Variants in NELL2 observed in about 807,000 individuals in gnomAD.
NELL2 encodes protein kinase C-binding protein NELL2.
Under a neutral mutation model 109.6 loss-of-function variants are expected in NELL2, and 41 were observed. The ratio of observed to expected loss-of-function variants is 0.37; its 90% confidence interval spans 0.29 to 0.49. The LOEUF (loss-of-function observed/expected upper bound fraction) is 0.49, where lower values mean the gene tolerates loss of function less well. NELL2 is among the 20% of genes least tolerant of loss of function. NELL2 has a pLI of 0.98. For synonymous variants in NELL2, 355 were observed against 344.7 expected (o/e 1.03, Z -0.33); for missense variants, 900 against 1,008.3 (o/e 0.89, Z 1.45).
chr12:44,519,528 C>A (rs1477338938), intron 19 of NELL2, among the ~76,000 whole-genome samples: 1 of 152,058 alleles, frequency 6.6e-6, no homozygotes, highest in African/African-American at 2.4e-5. Context: ...TGTAACTGAC[C>A]ACAACAAACC....
chr12:44,592,580 G>C (rs1369035145), intron 15 of NELL2, among the ~76,000 whole-genome samples: 1 of 152,140 alleles, frequency 6.6e-6, no homozygotes, highest in Non-Finnish European at 1.5e-5. Context: ...AGGATAAAAA[G>C]AGAAACAGTC....
intron 9 of NELL2, among the ~76,000 whole-genome samples, chr12:44,734,649 T>A (rs1268023467): frequency 5.3e-5 from 8 of 151,916 alleles, no homozygotes; most frequent in African/African-American, 1.7e-4. Context: ...TAATAAAAAA[T>A]TAAGTTTAGT....
chr12:44,916,016 T>C (rs533162819), upstream of NELL2, among the ~76,000 whole-genome samples: 8 of 152,352 alleles, frequency 5.3e-5, no homozygotes, highest in South Asian at 1.7e-3. Flanking sequence ...GCCACCACTT[T>C]TGAAAATAGT....
intron 2 of NELL2, among the ~76,000 whole-genome samples, chr12:44,859,669 T>C (rs372164987): frequency 6.6e-6 from 1 of 152,148 alleles, no homozygotes; most frequent in Non-Finnish European, 1.5e-5. Flanking sequence ...AGAGAAAGAA[T>C]AGATGCCTAC....
At chr12:44,638,137 C>T (rs1390792591) in intron 13 of NELL2, among the ~76,000 whole-genome samples, 2 of 152,008 alleles carry the variant, frequency 1.3e-5, no homozygotes, top group East Asian at 1.9e-4. Context: ...AATTTGCAAA[C>T]TCTATTCATT....
chr12:44,818,287 A>G (rs1366883046), intron 2 of NELL2, among the ~76,000 whole-genome samples: 1 of 152,248 alleles, frequency 6.6e-6, no homozygotes, highest in Non-Finnish European at 1.5e-5. Flanking sequence ...TCATTCACAA[A>G]CTACATTACT....
At chr12:44,606,889 A>C (rs1017994994) in intron 15 of NELL2, among the ~76,000 whole-genome samples, 29 of 152,260 alleles carry the variant, frequency 1.9e-4, no homozygotes, top group Middle Eastern at 6.8e-3. Flanking sequence ...AGTAAAATGA[A>C]TTATGAAGTC....
At chr12:44,801,311 A>C (rs915286804) in intron 3 of NELL2, among the ~76,000 whole-genome samples, 3 of 152,170 alleles carry the variant, frequency 2.0e-5, no homozygotes, top group Non-Finnish European at 4.4e-5. Context: ...TGTGTGAAAG[A>C]TTTCTGGCTT....
rs1305960247 is a variant in NELL2 at position 44,876,186 on chromosome 12, C to A, written c.-317G>T. ...CTCCGTCGGGGAATTAGCTCCCGAG[C>A]CGAATAAAAGCAGCCAAAGACTCGC... On this transcript the variant is annotated 5_prime_UTR_variant, in exon 1 of 20. Coordinates refer to ENST00000429094, the MANE Select transcript of NELL2 (RefSeq NM_001145108.2). 2 of 1,238,880 alleles carry A rather than the reference C, an allele frequency of 1.6e-6. No individual in the cohort carries two copies. Among genetic ancestry groups the A allele is most frequent in the South Asian group, 2.2e-5 (1 of 45,148 alleles). The allele number at this position is 1,238,880 out of a possible 1,614,324, so 76.7% of individuals were successfully genotyped here.
At position 44,639,453 on chromosome 12, in the gene NELL2, A is replaced by G. The variant is rs546040359; in HGVS notation, c.1444+26031T>C. On this transcript the variant is annotated intron_variant, in intron 13 of 19. Transcript: ENST00000429094. ...CTTCAGCTAAGCTGGGCTACTTGTT[A>G]TTTCCTAACAAGACCTTAAGTTCCT... Among the ~76,000 whole-genome samples the G allele has an allele frequency of 5.3e-4, 80 of 152,232 alleles. 2 individuals are homozygous for G. The South Asian group carries it at 8.1e-3, about 15-fold the overall frequency.
chr12:44,665,466 C>G lies in NELL2; in HGVS notation c.1444+18G>C, dbSNP rs191654910. 1.1e-5 allele frequency: 17 copies of G among 1,569,678 alleles called. No homozygotes were observed. The East Asian group carries it at 3.8e-4, about 35-fold the overall frequency. The stretch of plus-strand genomic sequence containing the variant: ...TAAGACATAAAAATATTTTATTTCA[C>G]AAATAGCCACCGTTTACCTGTACAT... On this transcript the variant is annotated intron_variant, in intron 13 of 19. Coordinates refer to ENST00000429094, the MANE Select transcript of NELL2 (RefSeq NM_001145108.2).
chr12:44,701,080 A>G (rs1949213032), intron 12 of NELL2, among the ~76,000 whole-genome samples: 1 of 152,132 alleles, frequency 6.6e-6, no homozygotes, highest in African/African-American at 2.4e-5. Context: ...CCAAATATAT[A>G]CCATGCAAAA....
chr12:44,573,956 T>C (rs1943967239), intron 15 of NELL2, among the ~76,000 whole-genome samples: 1 of 152,224 alleles, frequency 6.6e-6, no homozygotes, highest in African/African-American at 2.4e-5. Flanking sequence ...CTGTCTTGGA[T>C]TAGGTGTTAC....
intron 9 of NELL2, among the ~76,000 whole-genome samples, chr12:44,765,477 G>A (rs191449646): frequency 6.9e-4 from 105 of 152,286 alleles, no homozygotes; most frequent in Admixed American, 1.4e-3. Flanking sequence ...CATGTAGCCA[G>A]TTCCCTAATA....
intron 10 of NELL2, among the ~76,000 whole-genome samples, chr12:44,713,153 C>G (rs1938297641): frequency 1.3e-5 from 2 of 149,144 alleles, no homozygotes; most frequent in South Asian, 4.3e-4. Flanking sequence ...TATTATGAGA[C>G]ACATTCTGGT....
rs114158602 is a variant in NELL2, at chr12:44,588,320, C to T, written c.1663+18849G>A. On this transcript the variant is annotated intron_variant, in intron 15 of 19. Coordinates refer to ENST00000429094, the MANE Select transcript of NELL2 (RefSeq NM_001145108.2). ...TGTCTCATAAAGCCACAGCCTTGTG[C>T]CTCCTCTCTGAGGCAGCCTGAGCCA... Among the ~76,000 whole-genome samples, 748 of 152,232 alleles carry T rather than the reference C, an allele frequency of 4.9e-3. 7 individuals are homozygous for T. Among genetic ancestry groups the T allele is most frequent in the African/African-American group, 0.015 (637 of 41,540 alleles).
rs147464248 is a variant in NELL2 at position 44,783,647 on chromosome 12, T to C, written c.336-3625A>G. Among the ~76,000 whole-genome samples, 42 of 152,148 alleles carry C rather than the reference T, an allele frequency of 2.8e-4. 1 individual carries two copies. In the East Asian group the frequency reaches 6.4e-3, roughly 23 times the overall value. ...TACAGAATATGAAACAGATTACTTG[T>C]ATACTTCTATAATTTTTAAGAAAAG... On this transcript the variant is annotated intron_variant, in intron 3 of 19. Coordinates refer to ENST00000429094, the MANE Select transcript of NELL2 (RefSeq NM_001145108.2).
chr12:44,687,928 T>C (rs571487464), intron 12 of NELL2, among the ~76,000 whole-genome samples: 2 of 152,308 alleles, frequency 1.3e-5, no homozygotes, highest in Non-Finnish European at 2.9e-5. Flanking sequence ...TGATAATAAA[T>C]GGCTGCATCA....
intron 2 of NELL2, among the ~76,000 whole-genome samples, chr12:44,847,606 C>A (rs2136767475): frequency 6.8e-6 from 1 of 148,122 alleles, no homozygotes; most frequent in East Asian, 2.0e-4. Flanking sequence ...CACAATGACA[C>A]CAAGGGAGCA....
Sources: gnomAD v4.1 joint callset for allele counts (sites outside exome capture counted in the v4.1 genomes callset) on GRCh38, gnomAD v4.1.1 for gene constraint, MANE v1.5 for transcripts, NCBI Gene and HGNC (gene_info 2026-07-23, HGNC 2026-07-21) for gene names.